IGHMBP2: variants seen among roughly 807,000 people sequenced by gnomAD.
IGHMBP2 encodes DNA-binding protein SMUBP-2.
A neutral mutation model predicts 96.0 loss-of-function variants in IGHMBP2; 81 were observed. That is an observed-to-expected ratio of 0.84 (90% confidence interval 0.71 to 1.01). The LOEUF is 1.01. IGHMBP2 is among the 50% of genes least tolerant of loss of function. IGHMBP2 has a pLI of 0.00. For synonymous variants in IGHMBP2, 557 were observed against 548.9 expected (o/e 1.01, Z -0.21); for missense variants, 1,227 against 1,306.3 (o/e 0.94, Z 0.94).
At chr11:68,908,704 C>T (rs1272334119) in intron 4 of IGHMBP2, 73 bp downstream of exon 4, 19 of 1,048,694 alleles carry the variant, frequency 1.8e-5, no homozygotes, top group South Asian at 6.4e-5. Flanking sequence ...GACCTTGGGC[C>T]GTTTTAATAA....
intron 2 of IGHMBP2, among the ~76,000 whole-genome samples, chr11:68,907,495 G>A (rs1858248096): frequency 1.3e-5 from 2 of 152,132 alleles, no homozygotes; most frequent in East Asian, 1.9e-4. Flanking sequence ...CCACAGCCTT[G>A]GAAGCCTGGA....
intron 7 of IGHMBP2, among the ~76,000 whole-genome samples, chr11:68,920,558 C>T (rs894406637): frequency 6.6e-6 from 1 of 152,238 alleles, no homozygotes; most frequent in Non-Finnish European, 1.5e-5. Context: ...TCATGGCTCC[C>T]TGCAGCCTCA....
intron 7 of IGHMBP2, among the ~76,000 whole-genome samples, chr11:68,927,774 A>G (rs149437978): frequency 1.1e-4 from 16 of 152,356 alleles, no homozygotes; most frequent in Non-Finnish European, 1.9e-4. Context: ...GTGGTCTACC[A>G]GAGGATTCCC....
chr11:68,929,989 C>G (rs1859220158), intron 8 of IGHMBP2: 1 of 1,030,174 alleles, frequency 9.7e-7, no homozygotes, highest in Non-Finnish European at 1.2e-6. Context: ...CCCCTCTCAC[C>G]TCTCCCCATA....
chr11:68,908,263 G>T lies in IGHMBP2; in HGVS notation c.375G>T (p.Gln125His), dbSNP rs1024451110. The T allele has an allele frequency of 1.3e-5, 21 of 1,614,066 alleles. No individual in the cohort carries two copies. Among genetic ancestry groups the T allele is most frequent in the Middle Eastern group, 1.6e-4 (1 of 6,084 alleles). Reference protein sequence around the residue: ...TVAFDESHDFQLSLDRENSYR... With the variant: ...TVAFDESHDFHLSLDRENSYR... Reference sequence around the variant, plus strand: ...CCTTTGATGAGTCCCACGATTTCCAGTTGAGCTTGGACCGAGAGAATTCCT... The same window carrying T: ...CCTTTGATGAGTCCCACGATTTCCATTTGAGCTTGGACCGAGAGAATTCCT... Residue 125 changes from glutamine (Q) to histidine (H), a missense_variant, in exon 3 of 15, where the codon CAG (glutamine) becomes CAT (histidine). By Grantham distance (24) the Gln-to-His change is conservative. Transcript: ENST00000255078.
chr11:68,934,587 A>AAAAG (rs1381174559), intron 11 of IGHMBP2, 29 bp downstream of exon 11: 1 of 1,518,204 alleles, frequency 6.6e-7, no homozygotes, highest in African/African-American at 1.4e-5. Context: ...GTCCCTCTAC[A>AAAAG]GAGCAGCTGG....
At chr11:68,919,773 A>G (rs573056065) in intron 7 of IGHMBP2, among the ~76,000 whole-genome samples, 3 of 152,318 alleles carry the variant, frequency 2.0e-5, no homozygotes, top group East Asian at 3.9e-4. Flanking sequence ...ATGTGGGGCT[A>G]TGTTTTCTTG....
chr11:68,915,089 A>G (rs2154007245), intron 6 of IGHMBP2, 66 bp downstream of exon 6: 2 of 1,289,978 alleles, frequency 1.6e-6, no homozygotes, highest in Non-Finnish European at 2.3e-6. Context: ...TTAAGGAGCA[A>G]ATTTATCTGT....
intron 4 of IGHMBP2, among the ~76,000 whole-genome samples, chr11:68,910,487 G>C (rs1319618804): frequency 6.6e-6 from 1 of 152,210 alleles, no homozygotes; most frequent in Admixed American, 6.5e-5. Flanking sequence ...CTTATGAGCT[G>C]CTCCTTATCC....
chr11:68,927,778 G>T (rs1328443274), intron 7 of IGHMBP2, among the ~76,000 whole-genome samples: 2 of 152,202 alleles, frequency 1.3e-5, no homozygotes, highest in African/African-American at 4.8e-5. Flanking sequence ...TCTACCAGAG[G>T]ATTCCCAGAC....
rs763336691 is a variant in IGHMBP2, at chr11:68,939,561, G to A, written c.2812G>A (p.Ala938Thr). ...EIHGCGERAR[A>T]HARQRISREG... is the part of the protein sequence containing the mutation. ...CCATGGCTGCGGTGAGAGGGCTCGC[G>A]CCCATGCCCGGCAGAGAATCAGCCG... The change falls in exon 15 of 15, where the codon GCC becomes ACC. Residue 938 changes from alanine to threonine, a missense_variant. Coordinates refer to ENST00000255078, the MANE Select transcript of IGHMBP2 (RefSeq NM_002180.3). The A allele has an allele frequency of 1.5e-5, 24 of 1,612,326 alleles. No homozygotes were observed. Among genetic ancestry groups the A allele is most frequent in the Middle Eastern group, 3.9e-4 (2 of 5,066 alleles).
Position 68,903,984 on chromosome 11 carries a change from C to T in IGHMBP2, c.32C>T (p.Thr11Ile), listed in dbSNP as rs1338966099. The T allele has an allele frequency of 6.4e-7, 1 of 1,554,092 alleles. No homozygotes were observed. The highest frequency in any genetic ancestry group is 2.4e-5 in the East Asian group (1 of 41,076). Reference sequence around the variant, plus strand: ...TCGGCAGCTGTGGAGAGCTTCGTGACCAAGCAACTGGACCTGCTGGAGCTT... The same window carrying T: ...TCGGCAGCTGTGGAGAGCTTCGTGATCAAGCAACTGGACCTGCTGGAGCTT... MASAAVESFV[T>I]KQLDLLELER... Residue 11 changes from threonine (T) to isoleucine (I), a missense_variant, in exon 1 of 15, where the codon ACC becomes ATC. This residue lies in a region of IGHMBP2 where 507 missense variants were observed against 496.9 expected (regional missense o/e 1.02). Coordinates refer to ENST00000255078, the MANE Select transcript of IGHMBP2 (RefSeq NM_002180.3).
intron 8 of IGHMBP2, chr11:68,932,857 C>G: frequency 5.2e-6 from 1 of 194,122 alleles, no homozygotes; most frequent in Non-Finnish European, 1.1e-5. Context: ...AGGGGAAAAC[C>G]CATCTCCTGG....
At chr11:68,925,142 CTTTTTTTT>C (rs921409570) in intron 7 of IGHMBP2, among the ~76,000 whole-genome samples, 1 of 108,724 alleles carries the variant, frequency 9.2e-6, no homozygotes, top group Non-Finnish European at 1.9e-5. Context: ...AGTCCAGGTT[CTTTTTTTT>C]TTTTTTTTTT....
intron 6 of IGHMBP2, among the ~76,000 whole-genome samples, chr11:68,917,252 C>G (rs1366933771): frequency 6.6e-6 from 1 of 152,136 alleles, no homozygotes; most frequent in Non-Finnish European, 1.5e-5. Flanking sequence ...GCTGGGATTA[C>G]AGGCATGAGC....
At position 68,906,640 on chromosome 11, in the gene IGHMBP2, C is replaced by CTTTTTTTTTT. The variant is rs60710565; in HGVS notation, c.256+412_256+421dup. 1.0e-4 allele frequency among the ~76,000 whole-genome samples: 12 copies of CTTTTTTTTTT among 117,574 alleles called. 2 individuals carry two copies. The highest frequency in any genetic ancestry group is 9.7e-3 in the Middle Eastern group (2 of 206). 77.1% of individuals were successfully genotyped at this position (117,574 alleles called of 152,430 possible). A position where few individuals can be genotyped will look rare whatever the true frequency, so the allele number is the denominator to read the frequency against. On this transcript the variant is annotated intron_variant, in intron 2 of 14. Transcript: ENST00000255078. ...TTAAAATAATTTACCCATTTCTTTT[C>CTTTTTTTTTT]TTTTTTTTTTTTTTTTTTTGAGACA...
intron 2 of IGHMBP2, among the ~76,000 whole-genome samples, chr11:68,907,944 C>A (rs1369289105): frequency 2.0e-5 from 3 of 151,898 alleles, no homozygotes; most frequent in Non-Finnish European, 4.4e-5. Context: ...CCACCTCTGC[C>A]TCCCAAAGTA....
chr11:68,927,647 A>G (rs1173021568), intron 7 of IGHMBP2, among the ~76,000 whole-genome samples: 1 of 152,350 alleles, frequency 6.6e-6, no homozygotes, highest in South Asian at 2.1e-4. Context: ...TGCTCCGACC[A>G]TTATTCTCTG....
At chr11:68,923,377 A>G (rs1858947863) in intron 7 of IGHMBP2, among the ~76,000 whole-genome samples, 1 of 151,752 alleles carries the variant, frequency 6.6e-6, no homozygotes, top group Non-Finnish European at 1.5e-5. Flanking sequence ...TAATTTTTGT[A>G]TTTTTAGTAG....
Sources: gnomAD v4.1 joint callset for allele counts (sites outside exome capture counted in the v4.1 genomes callset) on GRCh38, gnomAD v4.1.1 for gene constraint, gnomAD v4.1.1 regional missense constraint, MANE v1.5 for transcripts, NCBI Gene and HGNC (gene_info 2026-07-23, HGNC 2026-07-21) for gene names.